The following ASTN1 variants were observed in gnomAD, a reference collection of about 807,000 sequenced individuals.
ASTN1 encodes the protein astrotactin-1.
A neutral mutation model predicts 140.7 loss-of-function variants in ASTN1; 41 were observed. That is an observed-to-expected ratio of 0.29 (90% CI 0.23 to 0.38). ASTN1 has a LOEUF of 0.38. ASTN1 is among the 10% of genes least tolerant of loss of function. The pLI is 1.00. For synonymous variants in ASTN1, 640 were observed against 652.2 expected (o/e 0.98, Z 0.29); for missense variants, 1,479 against 1,678.8 (o/e 0.88, Z 2.08).
chr1:177,069,385 C>A (rs1172374522), intron 1 of ASTN1, among the ~76,000 whole-genome samples: 1 of 152,096 alleles, frequency 6.6e-6, no homozygotes, highest in African/African-American at 2.4e-5. Context: ...TTCTCCTTTG[C>A]CGAAAGGCTA....
At chr1:177,037,391 A>G (rs1426804084) in intron 2 of ASTN1, among the ~76,000 whole-genome samples, 1 of 152,238 alleles carries the variant, frequency 6.6e-6, no homozygotes, top group African/African-American at 2.4e-5. Context: ...CCTCTACTCA[A>G]CATCTGCTCA....
chr1:176,861,126 A>C lies in ASTN1; in HGVS notation c.*3158T>G, dbSNP rs1332122701. ...ATTATTTCATCTTTTATAATCATACAATAATTCTCTTTTAAACAACACTGT... is the reference window on the plus strand; with the variant it reads ...ATTATTTCATCTTTTATAATCATACCATAATTCTCTTTTAAACAACACTGT... On this transcript the variant is annotated 3_prime_UTR_variant, in exon 23 of 23. Transcript: ENST00000361833. 1.1e-6 allele frequency: 1 copy of C among 947,854 alleles called. No individual in the cohort carries two copies. Among genetic ancestry groups the C allele is most frequent in the Non-Finnish European group, 1.3e-6 (1 of 795,878 alleles). The allele number at this position is 947,854 out of a possible 1,614,324, so 58.7% of individuals were successfully genotyped here.
At chr1:176,874,717 G>A (rs1392734581) in intron 21 of ASTN1, among the ~76,000 whole-genome samples, 1 of 152,114 alleles carries the variant, frequency 6.6e-6, no homozygotes, top group Non-Finnish European at 1.5e-5. Flanking sequence ...TTATATGCCA[G>A]GCACTGGGTG....
At chr1:176,952,014 G>A (rs964714078) in intron 11 of ASTN1, among the ~76,000 whole-genome samples, 3 of 152,170 alleles carry the variant, frequency 2.0e-5, no homozygotes, top group South Asian at 4.2e-4. Flanking sequence ...ATCAGACTTC[G>A]GGCCTAGATT....
rs564247703 is a variant in ASTN1, at chr1:177,085,710, A to C, written c.284-24445T>G. On this transcript the variant is annotated intron_variant, in intron 1 of 22. Coordinates refer to ENST00000361833, the MANE Select transcript of ASTN1 (RefSeq NM_004319.3). The stretch of plus-strand genomic sequence containing the variant: ...GTCAGTTGGCCAGAATAATGCATCA[A>C]TGGCCTTGTTCACACAATTGTTGGC... 3.3e-5 allele frequency among the ~76,000 whole-genome samples: 5 copies of C among 152,294 alleles called. No homozygotes were observed. In the South Asian group the frequency reaches 1.0e-3, roughly 32 times the overall value.
At chr1:177,006,421 A>T (rs1675000447) in intron 8 of ASTN1, among the ~76,000 whole-genome samples, 1 of 152,060 alleles carries the variant, frequency 6.6e-6, no homozygotes, top group African/African-American at 2.4e-5. Flanking sequence ...AAAAAAGATA[A>T]ATAGCCAAAA....
Position 176,958,356 on chromosome 1 carries a change from A to G in ASTN1, c.1725T>C (p.Ala575=), listed in dbSNP as rs373156324. The G allele has an allele frequency of 1.7e-5, 27 of 1,614,014 alleles. No individual in the cohort carries two copies. The African/African-American group carries it at 3.3e-4, about 20-fold the overall frequency. ...CKTDMTVMED[A]VEVREELMTS... ...GAAGCCAGACTCACCTGACCTCCAC[A>G]GCATCCTCCATCACAGTCATGTCCG... is the stretch of plus-strand genomic sequence containing the variant. The change falls in exon 10 of 23, where the codon GCT becomes GCC. Residue 575 remains alanine (A), a synonymous_variant. Coordinates refer to ENST00000361833, the MANE Select transcript of ASTN1 (RefSeq NM_004319.3).
intron 1 of ASTN1, among the ~76,000 whole-genome samples, chr1:177,145,062 G>A (rs764762702): frequency 6.6e-6 from 1 of 152,088 alleles, no homozygotes; most frequent in Non-Finnish European, 1.5e-5. Context: ...CCCCAGGATT[G>A]CCTAGCCCAG....
At chr1:176,914,021 A>AG (rs1670373778) in intron 16 of ASTN1, among the ~76,000 whole-genome samples, 1 of 152,176 alleles carries the variant, frequency 6.6e-6, no homozygotes, top group South Asian at 2.1e-4. Context: ...TAGGTAAACA[A>AG]GGGGGGCATC....
Position 176,965,025 on chromosome 1 carries a change from A to G in ASTN1, c.1598+138T>C, listed in dbSNP as rs886495619. On this transcript the variant is annotated intron_variant, in intron 9 of 22. Transcript: ENST00000361833. ...TGTCCCTGGGCATGACTGGGGGCAA[A>G]CACTTTTGTTAGCAGGTGGTCGTGA... The G allele has an allele frequency of 3.8e-6, 3 of 780,608 alleles. No individual in the cohort carries two copies. The African/African-American group carries it at 5.2e-5, about 13-fold the overall frequency. 48.4% of individuals were successfully genotyped at this position (780,608 alleles called of 1,614,324 possible).
At chr1:176,870,885 A>G (rs760139941) in intron 21 of ASTN1, among the ~76,000 whole-genome samples, 2 of 152,190 alleles carry the variant, frequency 1.3e-5, no homozygotes, top group Non-Finnish European at 2.9e-5. Flanking sequence ...TGTGATTCCC[A>G]ATCCTTACAC....
intron 16 of ASTN1, among the ~76,000 whole-genome samples, chr1:176,905,433 C>T (rs528227849): frequency 6.6e-6 from 1 of 152,314 alleles, no homozygotes; most frequent in Admixed American, 6.5e-5. Flanking sequence ...ACTACTCCAA[C>T]CGGCAAGGGA....
At position 176,979,187 on chromosome 1, in the gene ASTN1, C is replaced by T. The variant is rs112520883; in HGVS notation, c.1524-13950G>A. On this transcript the variant is annotated intron_variant, in intron 8 of 22. Coordinates refer to ENST00000361833, the MANE Select transcript of ASTN1 (RefSeq NM_004319.3). ...TCATGGAACTTCCATGCTTTAAATC[C>T]TCACCCTGGTCATCAAGACTCCTGC... Among the ~76,000 whole-genome samples, 261 of 152,278 alleles carry T rather than the reference C, an allele frequency of 1.7e-3. 1 individual carries two copies. In the Middle Eastern group the frequency reaches 0.034, roughly 20 times the overall value.
chr1:177,106,318 TC>T (rs1283660579), intron 1 of ASTN1, among the ~76,000 whole-genome samples: 1 of 152,162 alleles, frequency 6.6e-6, no homozygotes, highest in African/African-American at 2.4e-5. Flanking sequence ...TCCTCTTCCT[TC>T]CCATATTTTT....
intron 2 of ASTN1, among the ~76,000 whole-genome samples, chr1:177,057,577 T>A (rs1221149686): frequency 4.6e-5 from 7 of 152,222 alleles, no homozygotes; most frequent in Admixed American, 2.6e-4. Flanking sequence ...TTAGGATTAT[T>A]AGTTAAGCTT....
rs186709846 is a variant in ASTN1, at chr1:176,884,955, C to A, written c.3075-465G>T. Among the ~76,000 whole-genome samples the A allele has an allele frequency of 3.0e-4, 45 of 152,344 alleles. No homozygotes were observed. The East Asian group carries it at 7.3e-3, about 25-fold the overall frequency. On this transcript the variant is annotated intron_variant, in intron 18 of 22. Coordinates refer to ENST00000361833, the MANE Select transcript of ASTN1 (RefSeq NM_004319.3). ...GCCACAGTTGGTTTGGCTTCCATAACCTTATCAGGATCTGCCGTGCTGGTG... is the reference window on the plus strand; with the variant it reads ...GCCACAGTTGGTTTGGCTTCCATAAACTTATCAGGATCTGCCGTGCTGGTG...
chr1:176,918,150 AGTCTTCTTTGCG>A (rs1670568879), intron 16 of ASTN1, among the ~76,000 whole-genome samples: 1 of 151,786 alleles, frequency 6.6e-6, no homozygotes, highest in Admixed American at 6.5e-5. Context: ...GTTTCTTCGT[AGTCTTCTTTGCG>A]GCACCCCCTA....
At chr1:176,874,938 C>T (rs1211289773) in intron 21 of ASTN1, among the ~76,000 whole-genome samples, 1 of 152,142 alleles carries the variant, frequency 6.6e-6, no homozygotes, top group Admixed American at 6.5e-5. Flanking sequence ...GTCAACCATG[C>T]TGCCTCCCAG....
At chr1:177,145,959 G>A (rs1391734528) in intron 1 of ASTN1, among the ~76,000 whole-genome samples, 2 of 152,090 alleles carry the variant, frequency 1.3e-5, no homozygotes, top group East Asian at 1.9e-4. Context: ...ATCACAAAGA[G>A]CATTTGCTTA....
Sources: gnomAD v4.1 joint callset for allele counts (sites outside exome capture counted in the v4.1 genomes callset) on GRCh38, gnomAD v4.1.1 for gene constraint, MANE v1.5 for transcripts, NCBI Gene and HGNC (gene_info 2026-07-23, HGNC 2026-07-21) for gene names.